MTA3: variants seen among roughly 807,000 people sequenced by gnomAD.
MTA3 encodes the protein metastasis associated 1 family member 3, also known as metastasis-associated protein MTA3.
In MTA3, 34 loss-of-function variants were observed where a neutral mutation model predicts 83.5. That is an observed-to-expected ratio of 0.41 (90% CI 0.31 to 0.54). The LOEUF is 0.54. Ranked by LOEUF, MTA3 falls within the 20% of genes least tolerant of loss-of-function variation. MTA3 has a pLI of 0.33. For synonymous variants in MTA3, 303 were observed against 252.7 expected, an observed-to-expected ratio of 1.20 and a Z score of -1.89; for missense variants, 761 against 726.4, an observed-to-expected ratio of 1.05 and a Z score of -0.55.
At chr2:42,691,118 C>A (rs778812787) in intron 9 of MTA3, among the ~76,000 whole-genome samples, 1 of 151,884 alleles carries the variant, frequency 6.6e-6, no homozygotes, top group Non-Finnish European at 1.5e-5. Flanking sequence ...CTCAAGCAAT[C>A]CGCCCGCCTC....
intron 4 of MTA3, among the ~76,000 whole-genome samples, chr2:42,630,938 A>C (rs1369231574): frequency 6.6e-6 from 1 of 152,216 alleles, no homozygotes; most frequent in Non-Finnish European, 1.5e-5. Flanking sequence ...TGTTTATTGA[A>C]AAATAAATAG....
intron 3 of MTA3, among the ~76,000 whole-genome samples, chr2:42,605,716 G>A (rs1343803046): frequency 4.8e-5 from 6 of 124,186 alleles, no homozygotes; most frequent in Non-Finnish European, 6.9e-5. Context: ...GCGGGGGGCC[G>A]ACCCCCCCAC....
At chr2:42,536,825 C>T (rs1210128862) in intron 2 of MTA3, among the ~76,000 whole-genome samples, 1 of 136,894 alleles carries the variant, frequency 7.3e-6, no homozygotes, top group Non-Finnish European at 1.5e-5. Context: ...TGCCACTGCA[C>T]TCCAGCCTGG....
rs558445845 is a variant in MTA3, at chr2:42,655,923, G to A, written c.500-277G>A. Among the ~76,000 whole-genome samples the A allele has an allele frequency of 3.9e-5, 6 of 152,244 alleles. No individual in the cohort carries two copies. In the South Asian group the frequency reaches 8.3e-4, roughly 21 times the overall value. On this transcript the variant is annotated intron_variant, in intron 6 of 16. Coordinates refer to ENST00000405094, the MANE Select transcript of MTA3 (RefSeq NM_001330442.2). The stretch of plus-strand genomic sequence containing the variant: ...CAGCCTGTTGCATTTTCATCTTTAT[G>A]TCTCTTAGCATGGCACTTACTGCCT...
chr2:42,536,869 A>AAAAG (rs1676267561), intron 2 of MTA3, among the ~76,000 whole-genome samples: 2 of 151,712 alleles, frequency 1.3e-5, no homozygotes, highest in African/African-American at 2.4e-5. Context: ...AAAAAAAAAA[A>AAAAG]AAAAAAAAGG....
In MTA3 at chr2:42,706,729, C is replaced by G. The variant is rs1038961595; in HGVS notation, c.1151-1174C>G. Among the ~76,000 whole-genome samples, 8 of 152,224 alleles carry G rather than the reference C, an allele frequency of 5.3e-5. No individual in the cohort carries two copies. In the East Asian group the frequency reaches 1.5e-3, roughly 29 times the overall value. ...TGTCACATGTCAGTAATTTAAACTA[C>G]AAAACAAAAACTAACACAAGCTTAC... On this transcript the variant is annotated intron_variant, in intron 12 of 16. Transcript: ENST00000405094.
intron 15 of MTA3, 98 bp from the exon 16 acceptor site, chr2:42,722,791 C>T: frequency 7.3e-7 from 1 of 1,370,070 alleles, no homozygotes; most frequent in South Asian, 1.4e-5. Context: ...TGACTCTCAG[C>T]TCATTAAGAA....
At chr2:42,708,832 A>C (rs375789154) in intron 13 of MTA3, 42 bp from the exon 14 acceptor site, 9 of 1,605,608 alleles carry the variant, frequency 5.6e-6, no homozygotes, top group Non-Finnish European at 7.7e-6. Context: ...GTGTTTGGGC[A>C]AGTTCACTTC....
chr2:42,508,856 A>G (rs1224676299), intron 2 of MTA3, among the ~76,000 whole-genome samples: 1 of 146,714 alleles, frequency 6.8e-6, no homozygotes, highest in Non-Finnish European at 1.5e-5. Flanking sequence ...TTAAATTATT[A>G]AATATATTAT....
Position 42,641,228 on chromosome 2 carries a change from T to A in MTA3, c.381+992T>A, listed in dbSNP as rs982659005. Among the ~76,000 whole-genome samples, 12 of 150,784 alleles carry A rather than the reference T, an allele frequency of 8.0e-5. 1 individual carries two copies. The South Asian group carries it at 8.4e-4, about 11-fold the overall frequency. ...GGCCGGTTTTTTTTTTTTTTTTTTTTAAATCTTATACTCAAGTGTTGCCCA... is the reference window on the plus strand; with the variant it reads ...GGCCGGTTTTTTTTTTTTTTTTTTTAAAATCTTATACTCAAGTGTTGCCCA... On this transcript the variant is annotated intron_variant, in intron 5 of 16. Transcript: ENST00000405094.
At chr2:42,700,369 A>G (rs552922189) in intron 11 of MTA3, among the ~76,000 whole-genome samples, 4 of 152,322 alleles carry the variant, frequency 2.6e-5, no homozygotes, top group East Asian at 1.9e-4. Flanking sequence ...GAATTAATCT[A>G]TAGGTACCTG....
At chr2:42,706,983 C>A (rs1229981785) in intron 12 of MTA3, among the ~76,000 whole-genome samples, 1 of 151,894 alleles carries the variant, frequency 6.6e-6, no homozygotes, top group Non-Finnish European at 1.5e-5. Flanking sequence ...CCTCCCCAGC[C>A]CCCTCCTCCT....
At chr2:42,548,280 C>A (rs1364034201) in intron 2 of MTA3, among the ~76,000 whole-genome samples, 2 of 152,080 alleles carry the variant, frequency 1.3e-5, no homozygotes, top group African/African-American at 4.8e-5. Flanking sequence ...GCCAGGCCAA[C>A]ATGGCAAAAC....
chr2:42,720,971 A>G (rs951153686), intron 15 of MTA3, among the ~76,000 whole-genome samples: 5 of 149,750 alleles, frequency 3.3e-5, no homozygotes, highest in Admixed American at 2.0e-4. Context: ...AAAAAAAAAA[A>G]AAAGAAAAGA....
chr2:42,635,681 T>TA (rs1279356796), intron 4 of MTA3, among the ~76,000 whole-genome samples: 2 of 151,992 alleles, frequency 1.3e-5, no homozygotes, highest in East Asian at 1.9e-4. Flanking sequence ...GTAAAGTCAA[T>TA]AAAAAAATGT....
At chr2:42,585,715 C>T (rs943256995) in intron 3 of MTA3, among the ~76,000 whole-genome samples, 1 of 151,838 alleles carries the variant, frequency 6.6e-6, no homozygotes. Context: ...CTCAAGTGAT[C>T]CACCTGCCTT....
intron 2 of MTA3, among the ~76,000 whole-genome samples, chr2:42,531,522 G>A (rs1675968093): frequency 8.2e-6 from 1 of 122,020 alleles, no homozygotes. Flanking sequence ...GCCCAATCTT[G>A]GCTCACCGCA....
At chr2:42,652,174 C>T (rs1487126933) in intron 6 of MTA3, among the ~76,000 whole-genome samples, 1 of 152,152 alleles carries the variant, frequency 6.6e-6, no homozygotes. Context: ...TGCCTTGTTA[C>T]GTGGATGAAC....
intron 4 of MTA3, among the ~76,000 whole-genome samples, chr2:42,630,084 T>G (rs1353049842): frequency 6.6e-6 from 1 of 152,120 alleles, no homozygotes; most frequent in Non-Finnish European, 1.5e-5. Flanking sequence ...CAAAAAACAA[T>G]TTAAGCGATC....
Sources: allele counts gnomAD v4.1 joint callset (sites outside exome capture counted in the v4.1 genomes callset), GRCh38; gene constraint gnomAD v4.1.1; transcripts MANE v1.5; gene names NCBI Gene and HGNC (gene_info 2026-07-23, HGNC 2026-07-21).